Variants in NFIA observed in about 807,000 individuals in gnomAD.
NFIA encodes nuclear factor 1 A-type.
In NFIA, 8 loss-of-function variants were observed where a neutral mutation model predicts 62.8. That is an observed-to-expected ratio of 0.13 (90% confidence interval 0.07 to 0.23). NFIA has a LOEUF of 0.23. Among genes scored for constraint, NFIA ranks in the 10% least tolerant of loss-of-function variants. The probability of loss-of-function intolerance (pLI) is 1.00; values close to 1 mark genes in which losing one functional copy is unlikely to be tolerated. For synonymous variants in NFIA, 235 were observed against 238.1 expected (o/e 0.99, Z 0.12); for missense variants, 410 against 642.1 (o/e 0.64, Z 3.91).
intron 10 of NFIA, among the ~76,000 whole-genome samples, chr1:61,449,685 G>A (rs1347883559): frequency 2.6e-5 from 4 of 152,192 alleles, no homozygotes; most frequent in Non-Finnish European, 5.9e-5. Context: ...AAAGGTGCCG[G>A]GGCCAATCCC....
intron 2 of NFIA, among the ~76,000 whole-genome samples, chr1:61,183,133 G>A (rs1027058926): frequency 5.9e-5 from 9 of 152,000 alleles, no homozygotes; most frequent in African/African-American, 2.2e-4. Context: ...AGACTTGGGA[G>A]GATCCATTAC....
At position 61,310,539 on chromosome 1, in the gene NFIA, C is replaced by T. The variant is rs139793568; in HGVS notation, c.626-21973C>T. Among the ~76,000 whole-genome samples, 477 of 152,170 alleles carry T rather than the reference C, an allele frequency of 3.1e-3. 2 individuals are homozygous for T. The highest frequency in any genetic ancestry group is 0.011 in the African/African-American group (443 of 41,518). ...GGGCAGTGAGGGATCTTAAATGTCT[C>T]GTAATGCTCTGGATAGACCTGCCTA... On this transcript the variant is annotated intron_variant, in intron 3 of 10. Transcript: ENST00000403491.
intron 2 of NFIA, among the ~76,000 whole-genome samples, chr1:61,261,165 T>G (rs929584812): frequency 1.3e-5 from 2 of 152,178 alleles, no homozygotes; most frequent in African/African-American, 4.8e-5. Context: ...CTTCTAACAG[T>G]TGATTCTGAA....
chr1:61,359,830 A>C lies in NFIA; in HGVS notation c.946+556A>C, dbSNP rs529455419. Among the ~76,000 whole-genome samples, 3 of 152,114 alleles carry C rather than the reference A, an allele frequency of 2.0e-5. No homozygotes were observed. The East Asian group carries it at 5.8e-4, about 29-fold the overall frequency. ...GTATTTTTAAAAGAGACGGGGTTTC[A>C]CCATGTTGGCCAGGCTGGTCTCAAA... On this transcript the variant is annotated intron_variant, in intron 6 of 10. Coordinates refer to ENST00000403491, the MANE Select transcript of NFIA (RefSeq NM_001134673.4).
intron 2 of NFIA, among the ~76,000 whole-genome samples, chr1:61,115,605 G>A (rs1026865937): frequency 2.0e-5 from 3 of 152,194 alleles, no homozygotes; most frequent in Non-Finnish European, 4.4e-5. Context: ...TTCTGGACAC[G>A]GCACGTGGAG....
At chr1:61,241,316 A>C (rs1655334989) in intron 2 of NFIA, among the ~76,000 whole-genome samples, 1 of 152,110 alleles carries the variant, frequency 6.6e-6, no homozygotes, top group South Asian at 2.1e-4. Context: ...TGTCTGTTAA[A>C]GGGTTAAAGA....
chr1:61,283,594 A>AAAAAAAAAAAAG lies in NFIA; in HGVS notation c.625+6020_625+6021insGAAAAAAAAAAA, dbSNP rs1557681382. On this transcript the variant is annotated intron_variant, in intron 3 of 10. Coordinates refer to ENST00000403491, the MANE Select transcript of NFIA (RefSeq NM_001134673.4). ...GAGACTCTGTCTCAAAAAAAAAAAA[A>AAAAAAAAAAAAG]AAAAAAAAAAAAAAGATTTATGTGT... is the stretch of plus-strand genomic sequence containing the variant. Among the ~76,000 whole-genome samples, 80 of 110,104 alleles carry AAAAAAAAAAAAG rather than the reference A, an allele frequency of 7.3e-4. 2 individuals carry two copies. The highest frequency in any genetic ancestry group is 1.2e-3 in the Non-Finnish European group (67 of 53,722). The allele number at this position is 110,104 out of a possible 152,430, so 72.2% of individuals were successfully genotyped here. A position where few individuals can be genotyped will look rare whatever the true frequency, so the allele number is the denominator to read the frequency against.
chr1:61,134,091 G>A (rs1240236473), intron 2 of NFIA, among the ~76,000 whole-genome samples: 2 of 151,968 alleles, frequency 1.3e-5, no homozygotes, highest in African/African-American at 4.8e-5. Context: ...CCTGGGTGAC[G>A]GTGCAAGACT....
rs149507928 is a variant in NFIA at position 61,258,729 on chromosome 1, T to G, written c.560-18791T>G. On this transcript the variant is annotated intron_variant, in intron 2 of 10. Coordinates refer to ENST00000403491, the MANE Select transcript of NFIA (RefSeq NM_001134673.4). ...CTACTACAGATAATAGGAAATGTGG[T>G]TTTTTTTTTATTTTTTTGAAACAGG... 5.1e-3 allele frequency among the ~76,000 whole-genome samples: 680 copies of G among 132,050 alleles called. 9 individuals are homozygous for G. Among genetic ancestry groups the G allele is most frequent in the Admixed American group, 0.023 (296 of 12,734 alleles). The allele number at this position is 132,050 out of a possible 152,430, so 86.6% of individuals were successfully genotyped here. A position where few individuals can be genotyped will look rare whatever the true frequency, so the allele number is the denominator to read the frequency against.
intron 2 of NFIA, among the ~76,000 whole-genome samples, chr1:61,207,309 CAA>C (rs1448422241): frequency 1.3e-5 from 2 of 152,198 alleles, no homozygotes; most frequent in African/African-American, 4.8e-5. Flanking sequence ...GAGTCATAAA[CAA>C]TAGACCCATT....
intron 3 of NFIA, among the ~76,000 whole-genome samples, chr1:61,323,013 TAG>T (rs1311417344): frequency 2.0e-5 from 3 of 152,150 alleles, no homozygotes; most frequent in African/African-American, 7.2e-5. Context: ...AAACACAGAT[TAG>T]GTGTCTGTAT....
chr1:61,381,107 A>G (rs1393293841), intron 6 of NFIA, among the ~76,000 whole-genome samples: 5 of 151,982 alleles, frequency 3.3e-5, no homozygotes, highest in Admixed American at 6.6e-5. Flanking sequence ...TCTGAAAAAA[A>G]AAAAAAAATC....
intron 5 of NFIA, among the ~76,000 whole-genome samples, chr1:61,354,670 C>G (rs1055532016): frequency 1.3e-5 from 2 of 152,176 alleles, no homozygotes; most frequent in African/African-American, 4.8e-5. Context: ...ACAGAATCCT[C>G]TTGAGAATAG....
chr1:61,434,267 T>G (rs901854350), intron 10 of NFIA, among the ~76,000 whole-genome samples: 19 of 152,160 alleles, frequency 1.2e-4, no homozygotes, highest in African/African-American at 4.6e-4. Flanking sequence ...TTCTCGTATG[T>G]TCTCAGCTCC....
At chr1:61,448,686 C>G (rs770070090) in intron 10 of NFIA, among the ~76,000 whole-genome samples, 3 of 152,206 alleles carry the variant, frequency 2.0e-5, no homozygotes, top group African/African-American at 7.2e-5. Flanking sequence ...AGTCCTGGCT[C>G]TTACGGCTAT....
chr1:61,255,115 G>A (rs867031692), intron 2 of NFIA, among the ~76,000 whole-genome samples: 18 of 152,202 alleles, frequency 1.2e-4, no homozygotes, highest in Middle Eastern at 3.4e-3. Flanking sequence ...CTGGGAGGTC[G>A]CCAGAAAGTT....
At chr1:61,244,101 T>C (rs909598944) in intron 2 of NFIA, among the ~76,000 whole-genome samples, 4 of 152,234 alleles carry the variant, frequency 2.6e-5, no homozygotes, top group Admixed American at 2.6e-4. Context: ...TATTGAAATA[T>C]AAAATTTACT....
intron 3 of NFIA, among the ~76,000 whole-genome samples, chr1:61,330,461 G>GCA (rs1661244121): frequency 9.1e-6 from 1 of 109,750 alleles, no homozygotes; most frequent in Non-Finnish European, 1.8e-5. Flanking sequence ...ACACACACAC[G>GCA]CACACATCTG....
At chr1:61,379,528 G>A (rs926018131) in intron 6 of NFIA, among the ~76,000 whole-genome samples, 9 of 146,416 alleles carry the variant, frequency 6.1e-5, no homozygotes, top group Non-Finnish European at 7.4e-5. Context: ...CTGCCTCCAC[G>A]TCCTGAGTAG....
Sources: allele counts gnomAD v4.1 joint callset (sites outside exome capture counted in the v4.1 genomes callset), GRCh38; gene constraint gnomAD v4.1.1; transcripts MANE v1.5; gene names NCBI Gene and HGNC (gene_info 2026-07-23, HGNC 2026-07-21).